NADSYN1: variants seen among roughly 807,000 people sequenced by gnomAD.
The protein encoded by NADSYN1 is NAD synthetase 1, also known as glutamine-dependent NAD(+) synthetase.
NADSYN1 carries 80 observed loss-of-function variants against 99.3 expected under a neutral mutation model. The observed-to-expected ratio is 0.81, with a 90% CI of 0.67 to 0.97. The LOEUF (loss-of-function observed/expected upper bound fraction) is 0.97, where lower values mean the gene tolerates loss of function less well. Ranked by LOEUF, NADSYN1 falls within the 50% of genes least tolerant of loss-of-function variation. The pLI, the probability that NADSYN1 is intolerant of heterozygous loss-of-function variation, is 0.00. For synonymous variants in NADSYN1, 385 were observed against 372.1 expected, an observed-to-expected ratio of 1.03 and a Z score of -0.40; for missense variants, 859 against 948.5, an observed-to-expected ratio of 0.91 and a Z score of 1.24.
At chr11:71,469,563 G>T (rs946842580) in intron 5 of NADSYN1, among the ~76,000 whole-genome samples, 3 of 152,196 alleles carry the variant, frequency 2.0e-5, no homozygotes, top group African/African-American at 4.8e-5. Flanking sequence ...AGATTAAAAC[G>T]GGAAACAAAG....
chr11:71,488,297 G>A (rs1949757445), intron 16 of NADSYN1, among the ~76,000 whole-genome samples: 1 of 151,204 alleles, frequency 6.6e-6, no homozygotes, highest in African/African-American at 2.4e-5. Context: ...CGTCCGCCGA[G>A]AGAGCTCAAG....
intron 9 of NADSYN1, chr11:71,477,054 G>A (rs1285763379): frequency 6.4e-6 from 7 of 1,085,750 alleles, no homozygotes; most frequent in Non-Finnish European, 7.9e-6. Context: ...ACCTGAAATG[G>A]TCAACAGAAG....
chr11:71,456,068 C>T (rs1265098834), intron 2 of NADSYN1, among the ~76,000 whole-genome samples: 11 of 152,232 alleles, frequency 7.2e-5, no homozygotes, highest in African/African-American at 1.4e-4. Context: ...GCCTCTGACC[C>T]GTTGTGGGAT....
chr11:71,486,867 G>A (rs1209534686), intron 16 of NADSYN1, among the ~76,000 whole-genome samples: 1 of 140,362 alleles, frequency 7.1e-6, no homozygotes, highest in Non-Finnish European at 1.5e-5. Context: ...GTGCAGTGGC[G>A]CGATCTCGGC....
chr11:71,498,213 C>A, intron 19 of NADSYN1, 139 bp from the exon 20 acceptor site: 1 of 965,780 alleles, frequency 1.0e-6, no homozygotes, highest in Non-Finnish European at 1.5e-6. Flanking sequence ...CACGGGCATC[C>A]CCCACACCTG....
chr11:71,498,070 G>C (rs568532677), intron 19 of NADSYN1, among the ~76,000 whole-genome samples: 1 of 152,262 alleles, frequency 6.6e-6, no homozygotes, highest in East Asian at 1.9e-4. Flanking sequence ...CAAAGGCAGG[G>C]GGACCCCGGT....
rs767260901 is a variant in NADSYN1, at chr11:71,498,484, T to C, written c.2026T>C (p.Tyr676His). 3.1e-6 allele frequency: 5 copies of C among 1,614,064 alleles called. No homozygotes were observed. The African/African-American group carries it at 6.7e-5, about 22-fold the overall frequency. The change falls in exon 20 of 21, where the codon TAC (tyrosine) becomes CAC (histidine). Residue 676 changes from tyrosine to histidine, a missense_variant. By Grantham distance (83) the Tyr-to-His change is moderately conservative. Transcript: ENST00000319023. ...CAGGTTTGATCTGCGACCATTTCTGTACAACACAAGCTGGCCTTGGCAGTT... is the reference window on the plus strand; with the variant it reads ...CAGGTTTGATCTGCGACCATTTCTGCACAACACAAGCTGGCCTTGGCAGTT... Reference protein sequence around the residue: ...DNRFDLRPFLYNTSWPWQFRC... With the variant: ...DNRFDLRPFLHNTSWPWQFRC...
At chr11:71,456,153 C>T (rs1171913941) in intron 2 of NADSYN1, among the ~76,000 whole-genome samples, 1 of 152,208 alleles carries the variant, frequency 6.6e-6, no homozygotes, top group Admixed American at 6.5e-5. Context: ...TAAGCAGGAA[C>T]TGTCTTCTCT....
chr11:71,465,428 C>T (rs752186519), intron 5 of NADSYN1, among the ~76,000 whole-genome samples: 12 of 152,194 alleles, frequency 7.9e-5, no homozygotes, highest in Non-Finnish European at 1.8e-4. Context: ...CCATGTTCAG[C>T]GCAGATCACA....
At chr11:71,489,484 C>T (rs1949765304) in intron 16 of NADSYN1, among the ~76,000 whole-genome samples, 1 of 152,196 alleles carries the variant, frequency 6.6e-6, no homozygotes, top group African/African-American at 2.4e-5. Flanking sequence ...TTTCCCCAGA[C>T]TGTGCTCTCT....
chr11:71,464,129 T>C lies in NADSYN1; in HGVS notation c.394T>C (p.Trp132Arg). Residue 132 changes from tryptophan to arginine, a missense_variant, in exon 5 of 21, where the codon TGG (tryptophan) becomes CGG (arginine). Trp to Arg is a moderately radical substitution (Grantham distance 101). Coordinates refer to ENST00000319023, the MANE Select transcript of NADSYN1 (RefSeq NM_018161.5). The part of the protein sequence containing the change: ...NYRELRWFTP[W>R]SRSRHTEEYF... Reference sequence around the variant, plus strand: ...CCGCGAGCTGCGCTGGTTCACCCCGTGGTCGAGGAGTCGGTGAGTCGGGTG... The same window carrying C: ...CCGCGAGCTGCGCTGGTTCACCCCGCGGTCGAGGAGTCGGTGAGTCGGGTG... 6.2e-7 allele frequency: 1 copy of C among 1,610,050 alleles called. No homozygotes were observed. Among genetic ancestry groups the C allele is most frequent in the Non-Finnish European group, 8.5e-7 (1 of 1,178,394 alleles).
intron 3 of NADSYN1, chr11:71,460,361 G>GTT (rs1565596008): frequency 1.7e-4 from 26 of 152,238 alleles, no homozygotes; most frequent in African/African-American, 5.1e-4. Context: ...TTTTGTTTTT[G>GTT]TTTGTTTGAG....
At chr11:71,456,520 C>G (rs970219627) in intron 2 of NADSYN1, among the ~76,000 whole-genome samples, 1 of 152,214 alleles carries the variant, frequency 6.6e-6, no homozygotes, top group African/African-American at 2.4e-5. Context: ...GTCCTGTCTG[C>G]TGCTTGCCCT....
chr11:71,491,909 G>A lies in NADSYN1; in HGVS notation c.1764+6G>A. The A allele has an allele frequency of 6.2e-7, 1 of 1,613,522 alleles. No individual in the cohort carries two copies. The highest frequency in any genetic ancestry group is 8.5e-7 in the Non-Finnish European group (1 of 1,179,780). On this transcript the variant is annotated splice_donor_region_variant and intron_variant, in intron 18 of 20. Transcript: ENST00000319023. Reference sequence around the variant, plus strand: ...AGGTGTCCCAGACCGACGAGGTAATGGCGGTGGCTTTGCCATGATGCTTCC... The same window carrying A: ...AGGTGTCCCAGACCGACGAGGTAATAGCGGTGGCTTTGCCATGATGCTTCC...
intron 1 of NADSYN1, among the ~76,000 whole-genome samples, chr11:71,454,219 T>G (rs1161658119): frequency 2.0e-5 from 3 of 152,144 alleles, no homozygotes; most frequent in Non-Finnish European, 4.4e-5. Flanking sequence ...TTATTATGAT[T>G]ATTATTATTT....
Position 71,487,300 on chromosome 11 carries a change from G to C in NADSYN1, c.1562+1652G>C, listed in dbSNP as rs531302911. Among the ~76,000 whole-genome samples the C allele has an allele frequency of 4.7e-4, 72 of 152,260 alleles. 2 individuals carry two copies. Among genetic ancestry groups the C allele is most frequent in the African/African-American group, 1.7e-3 (72 of 41,534 alleles). ...CTGATTTTTCAGGAGGGGTGTGACG[G>C]CTGGTGTATATTCTCAGCTCTGGTG... is the stretch of plus-strand genomic sequence containing the variant. On this transcript the variant is annotated intron_variant, in intron 16 of 20. Transcript: ENST00000319023.
chr11:71,494,834 C>T (rs1415585995), intron 18 of NADSYN1, among the ~76,000 whole-genome samples: 2 of 152,188 alleles, frequency 1.3e-5, no homozygotes, highest in African/African-American at 4.8e-5. Flanking sequence ...GGACTACAGG[C>T]GTGAGCCACC....
intron 1 of NADSYN1, 150 bp downstream of exon 1, chr11:71,453,531 GCC>G: frequency 1.4e-6 from 1 of 691,602 alleles, no homozygotes. Context: ...CAATGACCCC[GCC>G]AGTGGTACGT....
chr11:71,499,473 G>A (rs1316867660), intron 20 of NADSYN1: 2 of 152,150 alleles, frequency 1.3e-5, no homozygotes, highest in Non-Finnish European at 2.9e-5. Context: ...ATTAGCAGCT[G>A]GACACCCCTC....
Sources: gnomAD v4.1 joint callset for allele counts (sites outside exome capture counted in the v4.1 genomes callset) on GRCh38, gnomAD v4.1.1 for gene constraint, MANE v1.5 for transcripts, NCBI Gene and HGNC (gene_info 2026-07-23, HGNC 2026-07-21) for gene names.